The following RBFOX1 variants were observed in gnomAD, a reference collection of about 807,000 sequenced individuals.
The protein encoded by RBFOX1 is RNA binding protein fox-1 homolog 1.
RBFOX1 carries 8 observed loss-of-function variants against 57.7 expected under a neutral mutation model. The ratio of observed to expected loss-of-function variants is 0.14; its 90% CI spans 0.08 to 0.25. The LOEUF is 0.25. RBFOX1 is among the 10% of genes least tolerant of loss of function. The pLI is 1.00. For missense variants in RBFOX1, 611 were observed against 548.5 expected (o/e 1.11, Z -1.14); for synonymous variants, 326 against 222.4 (o/e 1.47, Z -4.15).
intron 9 of RBFOX1, among the ~76,000 whole-genome samples, chr16:7,606,986 T>A (rs1239808776): frequency 6.6e-6 from 1 of 152,156 alleles, no homozygotes; most frequent in Non-Finnish European, 1.5e-5. Context: ...ATTATAGTAG[T>A]TCTAAAAAAT....
intron 3 of RBFOX1, among the ~76,000 whole-genome samples, chr16:6,901,080 G>C (rs1413881606): frequency 6.6e-6 from 1 of 152,146 alleles, no homozygotes; most frequent in African/African-American, 2.4e-5. Context: ...ATACTTCTCA[G>C]TTGTGCCTCT....
intron 1 of RBFOX1, among the ~76,000 whole-genome samples, chr16:6,251,835 C>A (rs1047004699): frequency 5.9e-5 from 9 of 152,044 alleles, no homozygotes; most frequent in African/African-American, 1.9e-4. Flanking sequence ...CAGAGATTTA[C>A]GTCCAGTCTG....
At chr16:6,228,880 G>C (rs11646801) in intron 1 of RBFOX1, among the ~76,000 whole-genome samples, 35,630 of 152,098 alleles carry the variant, frequency 0.23, 4,359 homozygotes, top group East Asian at 0.41. Flanking sequence ...ATACATGTTT[G>C]AAATTTTCAT....
chr16:7,610,691 A>G (rs1433524105), intron 10 of RBFOX1, among the ~76,000 whole-genome samples: 2 of 152,230 alleles, frequency 1.3e-5, no homozygotes, highest in African/African-American at 4.8e-5. Flanking sequence ...TGTAATTTTA[A>G]CACTGCAGAG....
chr16:6,868,279 A>G (rs1268205766), intron 3 of RBFOX1, among the ~76,000 whole-genome samples: 1 of 152,202 alleles, frequency 6.6e-6, no homozygotes, highest in Non-Finnish European at 1.5e-5. Context: ...GCTTATAAGA[A>G]GATGGACACA....
At chr16:7,641,147 G>C (rs1037006201) in intron 11 of RBFOX1, among the ~76,000 whole-genome samples, 1 of 152,150 alleles carries the variant, frequency 6.6e-6, no homozygotes, top group Non-Finnish European at 1.5e-5. Flanking sequence ...CATAATTCAA[G>C]AGCTGGAGCA....
chr16:6,989,249 C>G (rs760951583), intron 3 of RBFOX1, among the ~76,000 whole-genome samples: 1 of 152,004 alleles, frequency 6.6e-6, no homozygotes. Flanking sequence ...GCATGTATTG[C>G]TTGCATTATT....
rs536395919 is a variant in RBFOX1, at chr16:6,274,091, G to A, written c.-126-42904G>A. ...GCATTCGGATTACATACACATCGCT[G>A]GAGAGGATGTCAAATGATACATTCC... On this transcript the variant is annotated intron_variant, in intron 1 of 15. Transcript: ENST00000550418. 3.9e-5 allele frequency among the ~76,000 whole-genome samples: 6 copies of A among 152,300 alleles called. No homozygotes were observed. The East Asian group carries it at 1.2e-3, about 29-fold the overall frequency.
intron 1 of RBFOX1, among the ~76,000 whole-genome samples, chr16:5,301,060 T>G (rs1437600972): frequency 6.6e-6 from 1 of 152,232 alleles, no homozygotes; most frequent in Non-Finnish European, 1.5e-5. Context: ...TCCCTTCATG[T>G]GTGAACTAAA....
chr16:5,919,383 C>T (rs2058771382), intron 4 of RBFOX1, among the ~76,000 whole-genome samples: 1 of 152,084 alleles, frequency 6.6e-6, no homozygotes, highest in South Asian at 2.1e-4. Flanking sequence ...GTTCTTGTTT[C>T]CTAGGCTGGA....
chr16:7,291,766 G>A (rs935763284), intron 4 of RBFOX1, among the ~76,000 whole-genome samples: 9 of 151,688 alleles, frequency 5.9e-5, no homozygotes, highest in African/African-American at 9.7e-5. Context: ...CTAGGGATGC[G>A]ATAAGGATTT....
At chr16:6,459,581 T>A (rs1333105002) in intron 2 of RBFOX1, among the ~76,000 whole-genome samples, 2 of 152,268 alleles carry the variant, frequency 1.3e-5, no homozygotes, top group Non-Finnish European at 2.9e-5. Flanking sequence ...CTATATCTCA[T>A]GCTTCTGATA....
intron 2 of RBFOX1, among the ~76,000 whole-genome samples, chr16:6,437,569 T>A (rs1010844469): frequency 2.6e-5 from 4 of 152,204 alleles, no homozygotes; most frequent in Admixed American, 6.5e-5. Flanking sequence ...GGTGTGTGTA[T>A]TAGTCCATTG....
At chr16:5,385,764 C>T (rs2066239044) in intron 1 of RBFOX1, among the ~76,000 whole-genome samples, 2 of 152,202 alleles carry the variant, frequency 1.3e-5, no homozygotes, top group Admixed American at 1.3e-4. Context: ...GACCACCCTT[C>T]ACTCTGCACT....
intron 1 of RBFOX1, among the ~76,000 whole-genome samples, chr16:6,104,132 AACACAC>A (rs112249231): frequency 6.1e-5 from 9 of 148,370 alleles, no homozygotes; most frequent in South Asian, 2.1e-4. Flanking sequence ...TCCCAGTTGA[AACACAC>A]ACACACACAC....
At chr16:7,710,526 G>C (rs559539113) in intron 15 of RBFOX1, 97 bp from the exon 16 acceptor site, 5 of 1,581,170 alleles carry the variant, frequency 3.2e-6, no homozygotes, top group East Asian at 2.3e-5. Context: ...ATTTCGGTTG[G>C]TTTTGAGTGT....
intron 4 of RBFOX1, among the ~76,000 whole-genome samples, chr16:7,273,212 T>C (rs145942979): frequency 0.017 from 766 of 44,356 alleles, 36 homozygotes; most frequent in African/African-American, 0.073. Context: ...CTCCCTTCCT[T>C]CCTTCCTTCC....
chr16:6,511,458 T>C (rs1259707143), intron 2 of RBFOX1, among the ~76,000 whole-genome samples: 1 of 152,160 alleles, frequency 6.6e-6, no homozygotes, highest in African/African-American at 2.4e-5. Context: ...TGGACTGACA[T>C]GGGAGAATTT....
chr16:7,033,324 A>T (rs1482777375), intron 3 of RBFOX1, among the ~76,000 whole-genome samples: 1 of 152,216 alleles, frequency 6.6e-6, no homozygotes, highest in Non-Finnish European at 1.5e-5. Flanking sequence ...GTTTGAGACC[A>T]GCCTGGCTGA....
Sources: allele counts gnomAD v4.1 joint callset (sites outside exome capture counted in the v4.1 genomes callset), GRCh38; gene constraint gnomAD v4.1.1; transcripts MANE v1.5; gene names NCBI Gene and HGNC (gene_info 2026-07-23, HGNC 2026-07-21).